The following DLGAP2 variants were observed in gnomAD, a reference collection of about 807,000 sequenced individuals.
DLGAP2 encodes the protein DLG associated protein 2.
Under a neutral mutation model 100.3 loss-of-function variants are expected in DLGAP2, and 26 were observed. The ratio of observed to expected loss-of-function variants is 0.26; its 90% CI spans 0.19 to 0.36. The LOEUF (loss-of-function observed/expected upper bound fraction) is 0.36. DLGAP2 is among the 10% of genes least tolerant of loss of function. DLGAP2 has a pLI of 1.00. For missense variants in DLGAP2, 1,858 were observed against 1,453.2 expected (o/e 1.28, Z -4.53); for synonymous variants, 886 against 630.1 (o/e 1.41, Z -6.08).
At chr8:1,377,823 C>G (rs908547253) in intron 3 of DLGAP2, 2 of 152,298 alleles carry the variant, frequency 1.3e-5, no homozygotes, top group African/African-American at 4.8e-5. Context: ...CGTGCAGAAC[C>G]CGAGCATAGG....
At chr8:1,390,852 A>G (rs1022612560) in intron 3 of DLGAP2, among the ~76,000 whole-genome samples, 4 of 152,358 alleles carry the variant, frequency 2.6e-5, no homozygotes, top group South Asian at 2.1e-4. Context: ...GCTGTGTGCA[A>G]GAGTCATAAA....
chr8:1,413,879 A>C (rs1488901788), intron 3 of DLGAP2, among the ~76,000 whole-genome samples: 1 of 152,240 alleles, frequency 6.6e-6, no homozygotes, highest in African/African-American at 2.4e-5. Context: ...TGTCAATGGC[A>C]TACTTATTAA....
intron 3 of DLGAP2, among the ~76,000 whole-genome samples, chr8:1,371,775 G>T (rs1802243510): frequency 6.6e-6 from 1 of 152,130 alleles, no homozygotes; most frequent in Admixed American, 6.5e-5. Context: ...GGATATTTGT[G>T]CATTTCTCAT....
chr8:1,215,014 T>A (rs1183279930), intron 2 of DLGAP2, among the ~76,000 whole-genome samples: 1 of 152,176 alleles, frequency 6.6e-6, no homozygotes, highest in Non-Finnish European at 1.5e-5. Flanking sequence ...ACTGCCCACT[T>A]CTGTGTCTAA....
chr8:782,406 C>G (rs899844526), intron 1 of DLGAP2, among the ~76,000 whole-genome samples: 2 of 152,214 alleles, frequency 1.3e-5, no homozygotes, highest in Admixed American at 6.5e-5. Context: ...TACATACTCT[C>G]TCACTAGGCC....
intron 2 of DLGAP2, among the ~76,000 whole-genome samples, chr8:1,181,379 T>A (rs538607983): frequency 1.9e-4 from 29 of 152,252 alleles, no homozygotes; most frequent in African/African-American, 6.0e-4. Flanking sequence ...TCTGTCCCTG[T>A]GTTAGATTGC....
At chr8:1,377,427 G>A (rs551772947) in intron 3 of DLGAP2, among the ~76,000 whole-genome samples, 29 of 152,304 alleles carry the variant, frequency 1.9e-4, no homozygotes, top group East Asian at 7.7e-4. Context: ...GCCTATAGTC[G>A]CAGCTACTCT....
intron 6 of DLGAP2, among the ~76,000 whole-genome samples, chr8:1,578,731 C>T (rs1164108396): frequency 6.6e-6 from 1 of 152,294 alleles, no homozygotes; most frequent in East Asian, 1.9e-4. Flanking sequence ...CTGCTATGTT[C>T]TCTAACATAG....
chr8:1,140,492 C>A (rs953364910), intron 2 of DLGAP2, among the ~76,000 whole-genome samples: 7 of 152,176 alleles, frequency 4.6e-5, no homozygotes, highest in African/African-American at 1.7e-4. Context: ...GTCCCATGCA[C>A]CTGCTCAGAG....
At chr8:1,250,903 G>A (rs766412294) in intron 2 of DLGAP2, among the ~76,000 whole-genome samples, 5 of 152,208 alleles carry the variant, frequency 3.3e-5, no homozygotes, top group Non-Finnish European at 5.9e-5. Flanking sequence ...AGGCGGCTTT[G>A]TTGTGTTGTC....
intron 1 of DLGAP2, among the ~76,000 whole-genome samples, chr8:763,154 A>G (rs919310027): frequency 6.6e-6 from 1 of 152,158 alleles, no homozygotes; most frequent in Admixed American, 6.5e-5. Flanking sequence ...AGCTGAGCCC[A>G]GGCTGACCGT....
In DLGAP2 at chr8:1,254,088, G is replaced by T. The variant is rs529140565; in HGVS notation, c.74-4763G>T. Among the ~76,000 whole-genome samples, 5 of 152,326 alleles carry T rather than the reference G, an allele frequency of 3.3e-5. No individual in the cohort carries two copies. The South Asian group carries it at 1.0e-3, about 32-fold the overall frequency. The stretch of plus-strand genomic sequence containing the variant: ...GTCCCTCCTGGGGGCACTGAGTGGG[G>T]ACAGCCATGGCCAGGGGGGCCAAGT... On this transcript the variant is annotated intron_variant, in intron 2 of 14. Coordinates refer to ENST00000637795, the MANE Select transcript of DLGAP2 (RefSeq NM_001346810.2).
At chr8:1,253,501 A>G (rs1326818409) in intron 2 of DLGAP2, among the ~76,000 whole-genome samples, 2 of 152,252 alleles carry the variant, frequency 1.3e-5, no homozygotes, top group African/African-American at 2.4e-5. Flanking sequence ...GCCTCCATAG[A>G]TAAAATGCTC....
Position 1,565,720 on chromosome 8 carries a change from G to A in DLGAP2, c.1268G>A (p.Gly423Asp). 1 of 1,613,462 alleles carries A rather than the reference G, an allele frequency of 6.2e-7. No homozygotes were observed. The highest frequency in any genetic ancestry group is 8.5e-7 in the Non-Finnish European group (1 of 1,179,696). Residue 423 changes from glycine (G) to aspartate (D), a missense_variant, in exon 6 of 15, where the codon GGC becomes GAC. Gly to Asp is a moderately conservative substitution (Grantham distance 94). Transcript: ENST00000637795. The part of the protein sequence containing the change: ...QDEWGGYPTG[G>D]KDEEIPCRRM... ...GAGTGGGGAGGGTACCCCACCGGTGGCAAAGATGAGGAGATTCCCTGCAGG... is the reference window on the plus strand; with the variant it reads ...GAGTGGGGAGGGTACCCCACCGGTGACAAAGATGAGGAGATTCCCTGCAGG...
rs1054162420 is a variant in DLGAP2 at position 1,648,661 on chromosome 8, G to A, written c.1810+15615G>A. Reference sequence around the variant, plus strand: ...CTGGGGCATGATCAGGACAGGGGCCGTGTTCTGCAGCTGCTCAGAGACCCG... The same window carrying A: ...CTGGGGCATGATCAGGACAGGGGCCATGTTCTGCAGCTGCTCAGAGACCCG... On this transcript the variant is annotated intron_variant, in intron 8 of 14. Coordinates refer to ENST00000637795, the MANE Select transcript of DLGAP2 (RefSeq NM_001346810.2). Among the ~76,000 whole-genome samples, 19 of 152,252 alleles carry A rather than the reference G, an allele frequency of 1.2e-4. No homozygotes were observed. In the Middle Eastern group the frequency reaches 0.01, roughly 82 times the overall value.
intron 3 of DLGAP2, among the ~76,000 whole-genome samples, chr8:1,337,308 T>C (rs58171552): frequency 1.1e-5 from 1 of 94,796 alleles, no homozygotes; most frequent in Non-Finnish European, 2.3e-5. Context: ...ATGAGGATGA[T>C]GTGATGGTGA....
intron 3 of DLGAP2, among the ~76,000 whole-genome samples, chr8:1,417,687 A>ACGGGGAGGCCTCACTCCGCGAGGCTC (rs1563134221): frequency 7.3e-6 from 1 of 136,882 alleles, no homozygotes; most frequent in Admixed American, 7.4e-5. Flanking sequence ...CCAGGGGGGC[A>ACGGGGAGGCCTCACTCCGCGAGGCTC]CAGGGGGCCC....
intron 2 of DLGAP2, among the ~76,000 whole-genome samples, chr8:1,187,742 C>T (rs1166210304): frequency 4.2e-5 from 6 of 142,210 alleles, no homozygotes; most frequent in South Asian, 2.3e-4. Context: ...CCGAGACTTC[C>T]GTGACGTTTC....
Position 1,317,323 on chromosome 8 carries a change from G to A in DLGAP2, c.106+58440G>A, listed in dbSNP as rs376258061. On this transcript the variant is annotated intron_variant, in intron 3 of 14. Transcript: ENST00000637795. The stretch of plus-strand genomic sequence containing the variant: ...CAGCTTTTAAAAATAGAGGCTGTGC[G>A]AGTGCAGCGTCTCTCCAACAGTGGT... Among the ~76,000 whole-genome samples, 4 of 132,404 alleles carry A rather than the reference G, an allele frequency of 3.0e-5. No individual in the cohort carries two copies. The South Asian group carries it at 1.0e-3, about 34-fold the overall frequency. The allele number at this position is 132,404 out of a possible 152,430, so 86.9% of individuals were successfully genotyped here.
Sources: allele counts gnomAD v4.1 joint callset (sites outside exome capture counted in the v4.1 genomes callset), GRCh38; gene constraint gnomAD v4.1.1; transcripts MANE v1.5; gene names NCBI Gene and HGNC (gene_info 2026-07-23, HGNC 2026-07-21).